The following GALNT13 variants were observed in gnomAD, a reference collection of about 807,000 sequenced individuals.
The protein encoded by GALNT13 is UDP-GalNAc:polypeptide N-acetylgalactosaminyltransferase 13.
In GALNT13, 28 loss-of-function variants were observed where a neutral mutation model predicts 64.2. The ratio of observed to expected loss-of-function variants is 0.44; its 90% CI spans 0.32 to 0.60. The LOEUF is 0.60. Ranked by LOEUF, GALNT13 falls within the 20% of genes least tolerant of loss-of-function variation. The probability of loss-of-function intolerance (pLI) is 0.05; values close to 1 mark genes in which losing one functional copy is unlikely to be tolerated. For missense variants in GALNT13, 577 were observed against 669.8 expected (o/e 0.86, Z 1.53); for synonymous variants, 214 against 224.6 (o/e 0.95, Z 0.42).
intron 3 of GALNT13, among the ~76,000 whole-genome samples, chr2:154,134,055 T>C (rs1016548292): frequency 6.6e-6 from 1 of 152,090 alleles, no homozygotes; most frequent in Non-Finnish European, 1.5e-5. Context: ...GGGAAGTTTT[T>C]ATGAGCCTGG....
intron 4 of GALNT13, among the ~76,000 whole-genome samples, chr2:154,224,695 A>T (rs1205778420): frequency 1.3e-5 from 2 of 152,228 alleles, no homozygotes; most frequent in East Asian, 3.9e-4. Flanking sequence ...TGCTGAAACA[A>T]CTGGTTTATC....
At chr2:153,455,149 T>C in the GALNT13 span, among the ~76,000 whole-genome samples, 1 of 152,168 alleles carries the variant, frequency 6.6e-6, no homozygotes, top group African/African-American at 2.4e-5. Flanking sequence ...GATGCTTGCA[T>C]TTTTTTCTCA....
At chr2:154,323,386 C>T (rs1055890825) in intron 9 of GALNT13, among the ~76,000 whole-genome samples, 10 of 152,002 alleles carry the variant, frequency 6.6e-5, no homozygotes, top group African/African-American at 2.4e-4. Flanking sequence ...GGGTTGAGTT[C>T]TCAGTTTATT....
the GALNT13 span, among the ~76,000 whole-genome samples, chr2:153,249,454 A>C: frequency 6.6e-6 from 1 of 152,218 alleles, no homozygotes; most frequent in Non-Finnish European, 1.5e-5. Flanking sequence ...ATACTGCCCA[A>C]AGTAATTTAC....
At chr2:153,290,202 CATTATT>C in the GALNT13 span, among the ~76,000 whole-genome samples, 1 of 151,922 alleles carries the variant, frequency 6.6e-6, no homozygotes, top group African/African-American at 2.4e-5. Context: ...TATTTATTAT[CATTATT>C]ATTATTTTTT....
At chr2:154,161,863 C>T (rs947502872) in intron 4 of GALNT13, among the ~76,000 whole-genome samples, 3 of 151,934 alleles carry the variant, frequency 2.0e-5, no homozygotes, top group African/African-American at 7.3e-5. Flanking sequence ...TCACTGCAAG[C>T]TCCACCTCCC....
chr2:153,320,958 G>C, the GALNT13 span, among the ~76,000 whole-genome samples: 1 of 152,118 alleles, frequency 6.6e-6, no homozygotes, highest in African/African-American at 2.4e-5. Flanking sequence ...CAAATCTGGA[G>C]TTGATAGGCT....
chr2:154,445,876 G>A (rs1283430472), intron 12 of GALNT13: 129 of 1,236,124 alleles, frequency 1.0e-4, no homozygotes, highest in Non-Finnish European at 1.3e-4. Flanking sequence ...CTTTCCTGGA[G>A]CTTATGTTCC....
chr2:153,205,178 T>G, the GALNT13 span, among the ~76,000 whole-genome samples: 1 of 50,708 alleles, frequency 2.0e-5, no homozygotes, highest in East Asian at 2.8e-4. Context: ...AACTTTAGTG[T>G]TTTTTTTTTT....
intron 3 of GALNT13, among the ~76,000 whole-genome samples, chr2:154,003,026 T>C (rs1196860350): frequency 2.0e-5 from 3 of 152,156 alleles, no homozygotes; most frequent in Non-Finnish European, 4.4e-5. Context: ...ACACAAATAC[T>C]TAGGCTTTGT....
the GALNT13 span, among the ~76,000 whole-genome samples, chr2:153,844,173 G>C: frequency 6.6e-6 from 1 of 152,168 alleles, no homozygotes; most frequent in Non-Finnish European, 1.5e-5. Flanking sequence ...GAGTGTCTCT[G>C]TGGGGGCTTC....
At chr2:153,273,406 G>A in the GALNT13 span, among the ~76,000 whole-genome samples, 1 of 152,260 alleles carries the variant, frequency 6.6e-6, no homozygotes, top group Non-Finnish European at 1.5e-5. Context: ...TTCCTACTTT[G>A]TCTAGAATCA....
At chr2:153,071,481 C>T in the GALNT13 span, among the ~76,000 whole-genome samples, 2 of 152,196 alleles carry the variant, frequency 1.3e-5, no homozygotes, top group Non-Finnish European at 2.9e-5. Context: ...CACAAACCTC[C>T]AAAATTACTG....
At chr2:153,498,908 C>T in the GALNT13 span, among the ~76,000 whole-genome samples, 1 of 151,630 alleles carries the variant, frequency 6.6e-6, no homozygotes. Context: ...AGTGCAGTGG[C>T]GCGATCTCCG....
intron 2 of GALNT13, among the ~76,000 whole-genome samples, chr2:153,938,262 C>T (rs1402978229): frequency 2.0e-5 from 3 of 152,106 alleles, no homozygotes; most frequent in Non-Finnish European, 2.9e-5. Context: ...GCAAGCAATA[C>T]ATTTAACATG....
chr2:154,269,017 A>T (rs930923013), intron 8 of GALNT13, among the ~76,000 whole-genome samples: 1 of 152,060 alleles, frequency 6.6e-6, no homozygotes. Flanking sequence ...TTACCTGAAG[A>T]ATATAGCTAA....
chr2:154,376,335 T>C (rs1441658012), intron 9 of GALNT13, among the ~76,000 whole-genome samples: 61 of 152,160 alleles, frequency 4.0e-4, no homozygotes, highest in Admixed American at 4.0e-3. Context: ...TATTGCATTA[T>C]ATAGTCAGAT....
the GALNT13 span, among the ~76,000 whole-genome samples, chr2:153,606,308 A>G: frequency 6.6e-6 from 1 of 152,012 alleles, no homozygotes; most frequent in Non-Finnish European, 1.5e-5. Context: ...TGAAGATGTC[A>G]TTTCTGTAGC....
the GALNT13 span, among the ~76,000 whole-genome samples, chr2:153,324,835 C>A: frequency 6.6e-6 from 1 of 152,128 alleles, no homozygotes. Context: ...ATAAAGCCAA[C>A]TTGATTGTGG....
Sources: gnomAD v4.1 joint callset for allele counts (sites outside exome capture counted in the v4.1 genomes callset) on GRCh38, gnomAD v4.1.1 for gene constraint, MANE v1.5 for transcripts, NCBI Gene and HGNC (gene_info 2026-07-23, HGNC 2026-07-21) for gene names.